The following NTRK2 variants were observed in gnomAD, a reference collection of about 807,000 sequenced individuals.
NTRK2 encodes the protein neurotrophic receptor tyrosine kinase 2.
In NTRK2, 13 loss-of-function variants were observed where a neutral mutation model predicts 94.5. The observed-to-expected ratio is 0.14, with a 90% CI of 0.09 to 0.22. NTRK2 has a LOEUF of 0.22. NTRK2 is among the 10% of genes least tolerant of loss of function. NTRK2 has a pLI of 1.00. For synonymous variants in NTRK2, 372 were observed against 407.4 expected (o/e 0.91, Z 1.05); for missense variants, 639 against 1,071.2 (o/e 0.60, Z 5.63).
intron 14 of NTRK2, among the ~76,000 whole-genome samples, chr9:84,878,831 T>C (rs140256400): frequency 1.3e-5 from 2 of 152,244 alleles, no homozygotes; most frequent in East Asian, 3.9e-4. Context: ...GCCTGGATCT[T>C]GTGTAAACCT....
chr9:84,755,525 C>CTTTTTT lies in NTRK2; in HGVS notation c.1396+3463_1396+3468dup, dbSNP rs745611460. Among the ~76,000 whole-genome samples the CTTTTTT allele has an allele frequency of 7.6e-4, 46 of 60,640 alleles. 2 individuals are homozygous for CTTTTTT. Among genetic ancestry groups the CTTTTTT allele is most frequent in the East Asian group, 4.4e-3 (9 of 2,028 alleles). 39.8% of individuals were successfully genotyped at this position (60,640 alleles called of 152,430 possible). On this transcript the variant is annotated intron_variant, in intron 12 of 18. Coordinates refer to ENST00000277120, the MANE Select transcript of NTRK2 (RefSeq NM_006180.6). The stretch of plus-strand genomic sequence containing the variant: ...TTCTAAAAGAGACAAAGTCCCACCT[C>CTTTTTT]TTTTTTTTTTTTTTTTTTTTTTTTT...
At chr9:84,937,697 G>A (rs991457337) in intron 15 of NTRK2, among the ~76,000 whole-genome samples, 1 of 152,102 alleles carries the variant, frequency 6.6e-6, no homozygotes, top group African/African-American at 2.4e-5. Context: ...AACCCATAGA[G>A]AGGAGGAGAA....
At chr9:84,881,380 C>T (rs534982158) in intron 14 of NTRK2, among the ~76,000 whole-genome samples, 6 of 152,118 alleles carry the variant, frequency 3.9e-5, no homozygotes, top group Non-Finnish European at 8.8e-5. Context: ...CAGGAAGTCA[C>T]GTCTCACCAG....
intron 17 of NTRK2, among the ~76,000 whole-genome samples, chr9:85,007,786 T>G (rs184327843): frequency 6.6e-6 from 1 of 152,362 alleles, no homozygotes; most frequent in East Asian, 1.9e-4. Flanking sequence ...ATGGCCTCTT[T>G]ATCCCTACAT....
rs757409113 is a variant in NTRK2 at position 84,707,836 on chromosome 9, C to T, written c.360-8C>T. On this transcript the variant is annotated splice_polypyrimidine_tract_variant and splice_region_variant and intron_variant, in intron 4 of 18. Coordinates refer to ENST00000277120, the MANE Select transcript of NTRK2 (RefSeq NM_006180.6). ...AAATTCATGTTTAATGTTTTTGATTCCTTTCAGCAATTTTACCCGAAACAA... is the reference window on the plus strand; with the variant it reads ...AAATTCATGTTTAATGTTTTTGATTTCTTTCAGCAATTTTACCCGAAACAA... 22 of 1,607,484 alleles carry T rather than the reference C, an allele frequency of 1.4e-5. No individual in the cohort carries two copies. The highest frequency in any genetic ancestry group is 1.8e-5 in the Non-Finnish European group (21 of 1,174,940).
intron 17 of NTRK2, among the ~76,000 whole-genome samples, chr9:84,973,582 A>G (rs77316314): frequency 0.018 from 2,679 of 152,320 alleles, 85 homozygotes; most frequent in African/African-American, 0.061. Context: ...CCTGTTATTC[A>G]TAAGATCAAC....
intron 12 of NTRK2, among the ~76,000 whole-genome samples, chr9:84,851,666 G>A (rs1217457136): frequency 6.6e-6 from 1 of 152,160 alleles, no homozygotes; most frequent in East Asian, 1.9e-4. Context: ...GGTGCTGAAA[G>A]GTGACATGAA....
chr9:84,889,640 T>C (rs2076537580), intron 14 of NTRK2, among the ~76,000 whole-genome samples: 1 of 152,134 alleles, frequency 6.6e-6, no homozygotes, highest in South Asian at 2.1e-4. Flanking sequence ...CTAAAACTCC[T>C]GGCCTCAAAT....
At chr9:85,015,402 C>T (rs1832106655) in intron 17 of NTRK2, among the ~76,000 whole-genome samples, 1 of 152,152 alleles carries the variant, frequency 6.6e-6, no homozygotes, top group African/African-American at 2.4e-5. Flanking sequence ...AGACTGTTTC[C>T]ATCTGTCTCA....
chr9:84,924,928 A>T (rs928050780), intron 14 of NTRK2, among the ~76,000 whole-genome samples: 2 of 152,138 alleles, frequency 1.3e-5, no homozygotes, highest in African/African-American at 4.8e-5. Context: ...GCAGCAGGCT[A>T]TCTAGTCGAT....
intron 12 of NTRK2, among the ~76,000 whole-genome samples, chr9:84,769,721 A>G (rs1434400694): frequency 1.3e-5 from 2 of 152,220 alleles, no homozygotes; most frequent in Non-Finnish European, 2.9e-5. Flanking sequence ...ATTAGGGACC[A>G]GCACAACGTT....
intron 4 of NTRK2, among the ~76,000 whole-genome samples, chr9:84,705,651 G>T (rs551542098): frequency 7.9e-5 from 12 of 152,160 alleles, no homozygotes; most frequent in African/African-American, 2.9e-4. Context: ...AGGAAAGCAG[G>T]TTTTTGGTTT....
rs781117934 is a variant in NTRK2, at chr9:84,934,253, C to A, written c.1725C>A (p.Asn575Lys). The change falls in exon 15 of 19, where the codon AAC becomes AAA. Residue 575 changes from asparagine to lysine, a missense_variant. By Grantham distance (94) the Asn-to-Lys change is moderately conservative. Around this residue, in one of 5 missense-constraint regions of NTRK2, gnomAD observed 343 missense variants for 571.5 expected, o/e 0.60. Transcript: ENST00000277120. ...AAGTGTTCCTAGCTGAATGCTATAA[C>A]CTCTGTCCTGAGCAGGACAAGATCT... ...FGKVFLAECY[N>K]LCPEQDKILV... 2 of 1,613,950 alleles carry A rather than the reference C, an allele frequency of 1.2e-6. No individual in the cohort carries two copies. Among genetic ancestry groups the A allele is most frequent in the Non-Finnish European group, 1.7e-6 (2 of 1,179,890 alleles).
chr9:84,929,239 G>A (rs761942730), intron 14 of NTRK2, among the ~76,000 whole-genome samples: 5 of 152,120 alleles, frequency 3.3e-5, no homozygotes, highest in African/African-American at 7.2e-5. Context: ...GACACATTGC[G>A]ACACAATGCA....
At chr9:84,689,165 C>T (rs2059894844) in intron 2 of NTRK2, among the ~76,000 whole-genome samples, 2 of 152,230 alleles carry the variant, frequency 1.3e-5, no homozygotes, top group Admixed American at 1.3e-4. Context: ...GGAAACTACT[C>T]TGTGAGGTTG....
chr9:84,878,820 G>T, intron 14 of NTRK2, among the ~76,000 whole-genome samples: 1 of 152,132 alleles, frequency 6.6e-6, no homozygotes, highest in Admixed American at 6.5e-5. Flanking sequence ...GGCTCCTTCT[G>T]GCCTGGATCT....
At chr9:84,843,410 C>T (rs1205572681) in intron 12 of NTRK2, among the ~76,000 whole-genome samples, 2 of 152,160 alleles carry the variant, frequency 1.3e-5, no homozygotes, top group South Asian at 2.1e-4. Context: ...ACTTTCCTTC[C>T]GTTAGAGGTG....
intron 14 of NTRK2, chr9:84,871,954 T>C: frequency 6.3e-7 from 1 of 1,591,974 alleles, no homozygotes; most frequent in Non-Finnish European, 8.5e-7. Context: ...CTCCTTAGCT[T>C]CCATAACCTA....
At chr9:84,782,354 A>G (rs2067674192) in intron 12 of NTRK2, among the ~76,000 whole-genome samples, 1 of 152,178 alleles carries the variant, frequency 6.6e-6, no homozygotes, top group African/African-American at 2.4e-5. Context: ...GAAAAGCAAA[A>G]GTGAAGTATG....
Sources: allele counts gnomAD v4.1 joint callset (sites outside exome capture counted in the v4.1 genomes callset), GRCh38; gene constraint gnomAD v4.1.1; regional missense constraint gnomAD v4.1.1; transcripts MANE v1.5; gene names NCBI Gene and HGNC (gene_info 2026-07-23, HGNC 2026-07-21).